CD46: variants seen among roughly 807,000 people sequenced by gnomAD.
CD46 encodes the protein CD46 molecule.
Under a neutral mutation model 53.3 loss-of-function variants are expected in CD46, and 30 were observed. The observed-to-expected ratio is 0.56, with a 90% CI of 0.42 to 0.76. The LOEUF is 0.76. Among genes scored for constraint, CD46 ranks in the 30% least tolerant of loss-of-function variants. The probability of loss-of-function intolerance (pLI) is 0.00; values close to 1 mark genes in which losing one functional copy is unlikely to be tolerated. For synonymous variants in CD46, 142 were observed against 152.0 expected (o/e 0.93, Z 0.48); for missense variants, 409 against 463.0 (o/e 0.88, Z 1.07).
chr1:207,793,627 TG>T lies in CD46; in HGVS notation c.*151del. The T allele has an allele frequency of 6.5e-7, 1 of 1,544,780 alleles. No individual in the cohort carries two copies. The highest frequency in any genetic ancestry group is 9.0e-7 in the Non-Finnish European group (1 of 1,117,162). On this transcript the variant is annotated 3_prime_UTR_variant, in exon 13 of 13. Transcript: ENST00000367042. ...CAACCTGGTTTGCCAGTTCATCTTT[TG>T]ACTCTATTAAAATCTTCAATAGTTG...
chr1:207,782,962 A>T (rs1276632344), intron 8 of CD46, among the ~76,000 whole-genome samples: 1 of 151,666 alleles, frequency 6.6e-6, no homozygotes, highest in Non-Finnish European at 1.5e-5. Flanking sequence ...TAATCCCTCT[A>T]TCTTTTAATT....
chr1:207,777,794 G>T (rs1658277709), intron 8 of CD46, among the ~76,000 whole-genome samples: 1 of 152,086 alleles, frequency 6.6e-6, no homozygotes, highest in Non-Finnish European at 1.5e-5. Context: ...ATTTCTCTGG[G>T]TATATACCCA....
intron 11 of CD46, 92 bp downstream of exon 11, chr1:207,785,774 T>G: frequency 3.0e-6 from 2 of 660,936 alleles, no homozygotes; most frequent in Non-Finnish European, 5.0e-6. Flanking sequence ...TATTGCATGC[T>G]ATCTTTTTTT....
chr1:207,775,346 G>T (rs1224662199), intron 8 of CD46, among the ~76,000 whole-genome samples: 1 of 152,118 alleles, frequency 6.6e-6, no homozygotes, highest in Non-Finnish European at 1.5e-5. Context: ...GGAGAAGTTT[G>T]TTATTACTGA....
chr1:207,781,805 ATTGTTTTG>A (rs1658764703), intron 8 of CD46, among the ~76,000 whole-genome samples: 1 of 151,930 alleles, frequency 6.6e-6, no homozygotes. Flanking sequence ...TGTCATTACC[ATTGTTTTG>A]ATTATTATAG....
intron 1 of CD46, among the ~76,000 whole-genome samples, chr1:207,753,216 T>TA (rs1655123343): frequency 6.6e-6 from 1 of 152,198 alleles, no homozygotes. Flanking sequence ...TGAAACAACC[T>TA]AAAAAACAAT....
rs1486782648 is a variant in CD46 at position 207,757,560 on chromosome 1, C to T, written c.307C>T (p.Arg103Trp). ...TTCAGGAGAAACATGTCCATATATA[C>T]GGGATCCTTTAAATGGCCAAGCAGT... is the stretch of plus-strand genomic sequence containing the variant. ...ACYRETCPYI[R>W]DPLNGQAVPA... The change falls in exon 3 of 13, where the codon CGG (arginine) becomes TGG (tryptophan). Residue 103 changes from arginine (R) to tryptophan (W), a missense_variant. By Grantham distance (101) the Arg-to-Trp change is moderately radical. Coordinates refer to ENST00000367042, the MANE Select transcript of CD46 (RefSeq NM_172351.3). 12 of 1,604,190 alleles carry T rather than the reference C, an allele frequency of 7.5e-6. No homozygotes were observed. Among genetic ancestry groups the T allele is most frequent in the South Asian group, 4.4e-5 (4 of 90,352 alleles).
chr1:207,765,178 C>CAA (rs1015012129), intron 5 of CD46, among the ~76,000 whole-genome samples: 1 of 151,966 alleles, frequency 6.6e-6, no homozygotes, highest in Non-Finnish European at 1.5e-5. Flanking sequence ...CATCAGTAGA[C>CAA]TATTAAGGAG....
At chr1:207,759,604 T>C (rs1466791261) in intron 3 of CD46, 35 bp from the exon 4 acceptor site, 1 of 1,115,938 alleles carries the variant, frequency 9.0e-7, no homozygotes, top group African/African-American at 1.5e-5. Context: ...TATTAATTGC[T>C]ATACAAAACA....
intron 10 of CD46, among the ~76,000 whole-genome samples, 172 bp downstream of exon 10, chr1:207,785,278 G>C (rs1659170440): frequency 6.6e-6 from 1 of 152,156 alleles, no homozygotes; most frequent in African/African-American, 2.4e-5. Context: ...TTGTGTTAGT[G>C]ATTTTATACT....
Position 207,794,260 on chromosome 1 carries a change from C to T in CD46, c.*783C>T, listed in dbSNP as rs184209476. 4 of 152,300 alleles carry T rather than the reference C, an allele frequency of 2.6e-5. No homozygotes were observed. Among genetic ancestry groups the T allele is most frequent in the Non-Finnish European group, 4.4e-5 (3 of 68,186 alleles). The allele number at this position is 152,300 out of a possible 1,614,324, so 9.4% of individuals were successfully genotyped here. ...ACTTTTTAAAACATCCCTAACTGAT[C>T]GAATATATCAGTAATTTCAGAATCA... On this transcript the variant is annotated 3_prime_UTR_variant, in exon 13 of 13. Coordinates refer to ENST00000367042, the MANE Select transcript of CD46 (RefSeq NM_172351.3).
Position 207,752,090 on chromosome 1 carries a change from G to A in CD46, c.-123G>A. The A allele has an allele frequency of 1.0e-6, 1 of 968,950 alleles. No individual in the cohort carries two copies. Among genetic ancestry groups the A allele is most frequent in the East Asian group, 2.4e-5 (1 of 42,044 alleles). 60.0% of individuals were successfully genotyped at this position (968,950 alleles called of 1,614,324 possible). Reference sequence around the variant, plus strand: ...CACGCCCACCTGTCCTGCAGCACTGGATGCTTTGTGAGTTGGGGATTGTTG... The same window carrying A: ...CACGCCCACCTGTCCTGCAGCACTGAATGCTTTGTGAGTTGGGGATTGTTG... On this transcript the variant is annotated 5_prime_UTR_variant, in exon 1 of 13. Coordinates refer to ENST00000367042, the MANE Select transcript of CD46 (RefSeq NM_172351.3). The surrounding 1 kb of genome is among the most constrained non-coding windows in gnomAD (Gnocchi z 4.1).
intron 8 of CD46, among the ~76,000 whole-genome samples, chr1:207,781,624 C>T (rs1658743376): frequency 6.6e-6 from 1 of 152,136 alleles, no homozygotes. Flanking sequence ...GGTCCAGCTT[C>T]ACTTTTTTTG....
chr1:207,788,686 G>T (rs1659512922), intron 11 of CD46, among the ~76,000 whole-genome samples: 2 of 152,326 alleles, frequency 1.3e-5, no homozygotes, highest in South Asian at 4.1e-4. Context: ...ACTGGAAGCA[G>T]GCTAGCAGGC....
Position 207,757,013 on chromosome 1 carries a change from G to T in CD46, c.98-1G>T. On this transcript the variant is annotated splice_acceptor_variant, in intron 1 of 12. Transcript: ENST00000367042. LOFTEE classifies it high-confidence loss of function. ...TCATGTTCCTATTCTCTTATCCCTA[G>T]ATGCCTGTGAGGAGCCACCAACATT... The T allele has an allele frequency of 6.2e-7, 1 of 1,612,660 alleles. No homozygotes were observed. The highest frequency in any genetic ancestry group is 1.1e-5 in the South Asian group (1 of 91,046).
At position 207,757,773 on chromosome 1, in the gene CD46, C is replaced by G. The variant is rs1359074516; in HGVS notation, c.389+131C>G. On this transcript the variant is annotated intron_variant, in intron 3 of 12. Coordinates refer to ENST00000367042, the MANE Select transcript of CD46 (RefSeq NM_172351.3). Reference sequence around the variant, plus strand: ...AAGTTATACTTCTAGCCAAACAACTCTTGGATGTTTTATGGAGATAGGCAA... The same window carrying G: ...AAGTTATACTTCTAGCCAAACAACTGTTGGATGTTTTATGGAGATAGGCAA... The G allele has an allele frequency of 8.6e-6, 6 of 695,780 alleles. No homozygotes were observed. The Admixed American group carries it at 1.0e-4, about 12-fold the overall frequency. 43.1% of individuals were successfully genotyped at this position (695,780 alleles called of 1,614,324 possible).
chr1:207,780,178 C>G (rs1262590019), intron 8 of CD46, among the ~76,000 whole-genome samples: 3 of 151,950 alleles, frequency 2.0e-5, no homozygotes, highest in African/African-American at 7.3e-5. Context: ...CCATTCCTCC[C>G]TATCCCCATC....
At chr1:207,756,890 T>C (rs1487909838) in intron 1 of CD46, 124 bp from the exon 2 acceptor site, 2 of 758,732 alleles carry the variant, frequency 2.6e-6, no homozygotes, top group Non-Finnish European at 4.6e-6. Context: ...CATGGAACAG[T>C]CATTTAAAAT....
In CD46 at chr1:207,767,093, G is replaced by T. The variant is rs1656941135; in HGVS notation, c.754G>T (p.Val252Phe). The change falls in exon 6 of 13, where the codon GTT (valine) becomes TTT (phenylalanine). Residue 252 changes from valine (V) to phenylalanine (F), a missense_variant. Physicochemically the swap from Val to Phe is conservative, Grantham distance 50. Coordinates refer to ENST00000367042, the MANE Select transcript of CD46 (RefSeq NM_172351.3). ...AAAAAAATTTTACTACAAAGCAACA[G>T]TTATGTTTGAATGCGATAAGGGTTT... ...FGKKFYYKAT[V>F]MFECDKGFYL... 6.2e-7 allele frequency: 1 copy of T among 1,613,628 alleles called. No individual in the cohort carries two copies. The highest frequency in any genetic ancestry group is 1.7e-5 in the Admixed American group (1 of 60,000).
Sources: allele counts gnomAD v4.1 joint callset (sites outside exome capture counted in the v4.1 genomes callset), GRCh38; gene constraint gnomAD v4.1.1; non-coding constraint Gnocchi (gnomAD v3.1); transcripts MANE v1.5; gene names NCBI Gene and HGNC (gene_info 2026-07-23, HGNC 2026-07-21).